GPATCH2L: variants seen among roughly 807,000 people sequenced by gnomAD.
The protein encoded by GPATCH2L is G-patch domain containing 2 like.
In GPATCH2L, 31 loss-of-function variants were observed where a neutral mutation model predicts 57.4. The observed-to-expected ratio is 0.54, with a 90% CI of 0.41 to 0.73. GPATCH2L has a LOEUF of 0.73. Ranked by LOEUF, GPATCH2L falls within the 30% of genes least tolerant of loss-of-function variation. The pLI, the probability that GPATCH2L is intolerant of heterozygous loss-of-function variation, is 0.00. For missense variants in GPATCH2L, 481 were observed against 599.9 expected, an observed-to-expected ratio of 0.80 and a Z score of 2.07; for synonymous variants, 199 against 210.7, an observed-to-expected ratio of 0.94 and a Z score of 0.48.
intron 8 of GPATCH2L, among the ~76,000 whole-genome samples, chr14:76,181,409 G>A (rs1315197371): frequency 6.6e-6 from 1 of 152,142 alleles, no homozygotes; most frequent in Non-Finnish European, 1.5e-5. Context: ...CCGTCTAAGG[G>A]GCCACCTCCA....
At chr14:76,225,282 C>T (rs193227411) in intron 1 of GPATCH2L, among the ~76,000 whole-genome samples, 2 of 152,036 alleles carry the variant, frequency 1.3e-5, no homozygotes, top group African/African-American at 4.8e-5. Flanking sequence ...AACAGTGAAA[C>T]AGAACAGAGT....
intron 3 of GPATCH2L, among the ~76,000 whole-genome samples, chr14:76,168,612 G>A (rs1868293935): frequency 6.6e-6 from 1 of 152,194 alleles, no homozygotes; most frequent in Non-Finnish European, 1.5e-5. Context: ...GGCAGAGGAT[G>A]TAAATGCCAG....
rs570937969 is a variant in GPATCH2L at position 76,207,581 on chromosome 14, A to C, written c.*5730A>C. On this transcript the variant is annotated 3_prime_UTR_variant, in exon 10 of 10. Transcript: ENST00000261530. ...ACCTTGGGTACATAGATGTGTAATA[A>C]ATACCTGTTGAGTTATTGGTAATCT... 1.3e-5 allele frequency: 2 copies of C among 152,284 alleles called. No individual in the cohort carries two copies. The highest frequency in any genetic ancestry group is 3.9e-4 in the East Asian group (2 of 5,186). The allele number at this position is 152,284 out of a possible 1,614,324, so 9.4% of individuals were successfully genotyped here.
chr14:76,158,215 C>T (rs1170392751), intron 2 of GPATCH2L, among the ~76,000 whole-genome samples: 1 of 152,068 alleles, frequency 6.6e-6, no homozygotes, highest in Non-Finnish European at 1.5e-5. Context: ...AGAGGCTGAT[C>T]TCACAGGAAA....
intron 6 of GPATCH2L, among the ~76,000 whole-genome samples, chr14:76,177,697 G>GTTTT (rs137962368): frequency 0.02 from 2,577 of 126,578 alleles, 63 homozygotes; most frequent in African/African-American, 0.04. Flanking sequence ...CTTTGAAGAG[G>GTTTT]TTTTTTTTTG....
At chr14:76,217,137 C>T (rs2040493375), downstream of GPATCH2L, among the ~76,000 whole-genome samples, 1 of 152,088 alleles carries the variant, frequency 6.6e-6, no homozygotes, top group African/African-American at 2.4e-5. Flanking sequence ...GTCAGCAAGC[C>T]ACATAGCCTG....
chr14:76,197,526 T>C (rs1000428108), intron 9 of GPATCH2L, among the ~76,000 whole-genome samples: 10 of 152,164 alleles, frequency 6.6e-5, no homozygotes, highest in Admixed American at 3.3e-4. Flanking sequence ...CCTGCTTCAC[T>C]GAGCATTTTC....
rs190577596 is a variant in GPATCH2L, at chr14:76,202,798, G to C, written c.*947G>C. ...TTTTTGACATGCCTTTATACTTGGC[G>C]TGTTTATGATGGCTCAGCTGCATGT... On this transcript the variant is annotated 3_prime_UTR_variant, in exon 10 of 10. Coordinates refer to ENST00000261530, the MANE Select transcript of GPATCH2L (RefSeq NM_017926.4). 2.6e-5 allele frequency: 4 copies of C among 152,708 alleles called. No individual in the cohort carries two copies. Among genetic ancestry groups the C allele is most frequent in the African/African-American group, 9.6e-5 (4 of 41,536 alleles). 9.5% of individuals were successfully genotyped at this position (152,708 alleles called of 1,614,324 possible).
intron 2 of GPATCH2L, among the ~76,000 whole-genome samples, chr14:76,164,005 G>A (rs902042618): frequency 3.2e-4 from 48 of 152,120 alleles, no homozygotes; most frequent in African/African-American, 1.1e-3. Flanking sequence ...TGAACTGTAC[G>A]ACTCTTGAGT....
At chr14:76,168,309 G>A (rs1396460282) in intron 3 of GPATCH2L, among the ~76,000 whole-genome samples, 3 of 152,240 alleles carry the variant, frequency 2.0e-5, no homozygotes, top group Admixed American at 6.5e-5. Flanking sequence ...GTTGGGGTTG[G>A]CCTATAGGAG....
chr14:76,193,205 G>A (rs2139789417), intron 8 of GPATCH2L, among the ~76,000 whole-genome samples: 1 of 152,006 alleles, frequency 6.6e-6, no homozygotes, highest in African/African-American at 2.4e-5. Flanking sequence ...ACATTTTAGT[G>A]TATAAATGGT....
chr14:76,229,141 A>G (rs1360804327), intron 1 of GPATCH2L, among the ~76,000 whole-genome samples: 1 of 152,164 alleles, frequency 6.6e-6, no homozygotes, highest in Non-Finnish European at 1.5e-5. Context: ...CAAGACTTCA[A>G]TTTCTTTGAA....
At chr14:76,153,786 A>C (rs892969588) in intron 1 of GPATCH2L, 4 of 152,200 alleles carry the variant, frequency 2.6e-5, no homozygotes, top group Non-Finnish European at 4.4e-5. Context: ...TTCTTCCTTA[A>C]ATGGTGTCAC....
chr14:76,231,628 C>CACACAT (rs1306354269), intron 2 of GPATCH2L, among the ~76,000 whole-genome samples: 1 of 151,146 alleles, frequency 6.6e-6, no homozygotes, highest in Non-Finnish European at 1.5e-5. Flanking sequence ...CACATACACA[C>CACACAT]ACACACACAC....
chr14:76,222,839 C>T (rs1595013584), intron 1 of GPATCH2L, among the ~76,000 whole-genome samples: 1 of 151,650 alleles, frequency 6.6e-6, no homozygotes, highest in African/African-American at 2.4e-5. Context: ...TCCTGTAATC[C>T]TAGCTACTCA....
At chr14:76,179,363 G>A (rs1386762260) in intron 7 of GPATCH2L, 2 of 152,218 alleles carry the variant, frequency 1.3e-5, no homozygotes, top group African/African-American at 4.8e-5. Flanking sequence ...TAAGTAAACA[G>A]TAGTACAGGT....
In GPATCH2L at chr14:76,229,359, A is replaced by G. The variant is rs567429211; in HGVS notation, c.66-449A>G. ...GGACTAAACTCTGTGGCCCAGTCCCATTCCTCATCTGATATGTGAGTTCAC... is the reference window on the plus strand; with the variant it reads ...GGACTAAACTCTGTGGCCCAGTCCCGTTCCTCATCTGATATGTGAGTTCAC... On this transcript the variant is annotated intron_variant and NMD_transcript_variant, in intron 1 of 3. Coordinates refer to the GPATCH2L transcript ENST00000556372. Among the ~76,000 whole-genome samples the G allele has an allele frequency of 2.0e-5, 3 of 152,342 alleles. No homozygotes were observed. The East Asian group carries it at 5.8e-4, about 29-fold the overall frequency.
chr14:76,161,864 T>G (rs567779556), intron 2 of GPATCH2L, among the ~76,000 whole-genome samples: 1 of 152,160 alleles, frequency 6.6e-6, no homozygotes, highest in South Asian at 2.1e-4. Flanking sequence ...GGTGAAACCT[T>G]GTTTCTACTA....
chr14:76,162,250 C>G (rs1224423505), intron 2 of GPATCH2L, among the ~76,000 whole-genome samples: 3 of 152,156 alleles, frequency 2.0e-5, no homozygotes, highest in Admixed American at 2.0e-4. Flanking sequence ...AGCTCATTTC[C>G]TCATAAAGCT....
Sources: gnomAD v4.1 joint callset for allele counts (sites outside exome capture counted in the v4.1 genomes callset) on GRCh38, gnomAD v4.1.1 for gene constraint, MANE v1.5 for transcripts, NCBI Gene and HGNC (gene_info 2026-07-23, HGNC 2026-07-21) for gene names.